SLC17A4: variants seen among roughly 807,000 people sequenced by gnomAD.
SLC17A4 encodes probable small intestine urate exporter.
A neutral mutation model predicts 52.5 loss-of-function variants in SLC17A4; 33 were observed. That is an observed-to-expected ratio of 0.63 (90% CI 0.48 to 0.84). The LOEUF is 0.84. Ranked by LOEUF, SLC17A4 falls within the 40% of genes least tolerant of loss-of-function variation. The pLI is 0.00. For missense variants in SLC17A4, 585 were observed against 597.1 expected (o/e 0.98, Z 0.21); for synonymous variants, 225 against 216.2 (o/e 1.04, Z -0.36).
intron 2 of SLC17A4, among the ~76,000 whole-genome samples, chr6:25,765,720 G>T (rs1007604369): frequency 6.6e-6 from 1 of 151,842 alleles, no homozygotes; most frequent in African/African-American, 2.4e-5. Context: ...AGAAAAGGAA[G>T]AAAACAAAGA....
At chr6:25,776,281 TTTTTCTTC>T (rs1172650189) in intron 8 of SLC17A4, among the ~76,000 whole-genome samples, 1 of 152,188 alleles carries the variant, frequency 6.6e-6, no homozygotes, top group Non-Finnish European at 1.5e-5. Context: ...TATTTTTCTT[TTTTTCTTC>T]TTTTCTTTTT....
Position 25,757,967 on chromosome 6 carries a change from A to G in SLC17A4, c.-37+3186A>G, listed in dbSNP as rs146178496. Among the ~76,000 whole-genome samples, 610 of 152,064 alleles carry G rather than the reference A, an allele frequency of 4.0e-3. 2 individuals are homozygous for G. The highest frequency in any genetic ancestry group is 5.3e-3 in the Non-Finnish European group (358 of 67,976). ...TGTCATTTAAGAGATTGTAAACTGGATTTTTCCTGAGTCATCCGTATCTGG... is the reference window on the plus strand; with the variant it reads ...TGTCATTTAAGAGATTGTAAACTGGGTTTTTCCTGAGTCATCCGTATCTGG... On this transcript the variant is annotated intron_variant, in intron 1 of 11. Transcript: ENST00000377905.
chr6:25,768,495 C>T (rs1475292404), intron 2 of SLC17A4: 32 of 614,444 alleles, frequency 5.2e-5, no homozygotes, highest in Non-Finnish European at 6.6e-5. Context: ...TAACCATAGC[C>T]TATCTTTCAA....
At chr6:25,759,035 A>G (rs936429194) in intron 1 of SLC17A4, among the ~76,000 whole-genome samples, 12 of 152,144 alleles carry the variant, frequency 7.9e-5, no homozygotes, top group African/African-American at 2.7e-4. Context: ...TTTAATTTTC[A>G]TCTTGATTTC....
In SLC17A4 at chr6:25,760,863, C is replaced by T. The variant is rs568585114; in HGVS notation, c.-36-1064C>T. On this transcript the variant is annotated intron_variant, in intron 1 of 11. Coordinates refer to ENST00000377905, the MANE Select transcript of SLC17A4 (RefSeq NM_005495.3). Reference sequence around the variant, plus strand: ...TTCTAGGGTCCATATTTTATTTCTTCAATTATTTAAAGCATACTTACATAA... The same window carrying T: ...TTCTAGGGTCCATATTTTATTTCTTTAATTATTTAAAGCATACTTACATAA... Among the ~76,000 whole-genome samples the T allele has an allele frequency of 9.2e-5, 14 of 152,192 alleles. No individual in the cohort carries two copies. The South Asian group carries it at 2.5e-3, about 27-fold the overall frequency.
chr6:25,767,593 A>G (rs1400875967), intron 2 of SLC17A4, among the ~76,000 whole-genome samples: 3 of 152,180 alleles, frequency 2.0e-5, no homozygotes, highest in Non-Finnish European at 4.4e-5. Context: ...GTATCCCCAT[A>G]AAAATATTTA....
intron 1 of SLC17A4, among the ~76,000 whole-genome samples, chr6:25,761,328 C>T (rs574442455): frequency 5.0e-4 from 76 of 152,150 alleles, no homozygotes; most frequent in Non-Finnish European, 3.4e-4. Flanking sequence ...CCCTTATAAT[C>T]GCCTCCCTGG....
chr6:25,773,818 T>A (rs1762677457), intron 8 of SLC17A4, 144 bp downstream of exon 8: 1 of 724,478 alleles, frequency 1.4e-6, no homozygotes, highest in African/African-American at 1.8e-5. Context: ...TGCAATCTAG[T>A]TAATTTGGAT....
chr6:25,773,449 T>C, intron 7 of SLC17A4, 56 bp downstream of exon 7: 2 of 1,612,634 alleles, frequency 1.2e-6, no homozygotes, highest in Non-Finnish European at 1.7e-6. Context: ...GTCTGAGAGA[T>C]GAAGAATGTG....
Position 25,770,373 on chromosome 6 carries a change from T to G in SLC17A4, c.532-11T>G, listed in dbSNP as rs766629413. On this transcript the variant is annotated splice_polypyrimidine_tract_variant and intron_variant, in intron 4 of 11. Coordinates refer to ENST00000377905, the MANE Select transcript of SLC17A4 (RefSeq NM_005495.3). ...ACCTCAGATCTCCAAGAATGGAATTTTTCCCCCCAGGTTATGGTATTAACT... is the reference window on the plus strand; with the variant it reads ...ACCTCAGATCTCCAAGAATGGAATTGTTCCCCCCAGGTTATGGTATTAACT... 1.9e-6 allele frequency: 3 copies of G among 1,614,070 alleles called. No individual in the cohort carries two copies. Among genetic ancestry groups the G allele is most frequent in the South Asian group, 1.1e-5 (1 of 91,080 alleles).
chr6:25,778,283 T>C (rs892834934), intron 11 of SLC17A4, among the ~76,000 whole-genome samples: 1 of 152,002 alleles, frequency 6.6e-6, no homozygotes, highest in African/African-American at 2.4e-5. Context: ...CACTGCCATA[T>C]ACCATTCACT....
At chr6:25,762,881 A>G (rs2151425032) in intron 2 of SLC17A4, among the ~76,000 whole-genome samples, 1 of 152,350 alleles carries the variant, frequency 6.6e-6, no homozygotes, top group Non-Finnish European at 1.5e-5. Flanking sequence ...CTACTAGACT[A>G]TACCATTGGC....
chr6:25,768,645 C>A (rs1762219735), intron 2 of SLC17A4, among the ~76,000 whole-genome samples: 1 of 152,140 alleles, frequency 6.6e-6, no homozygotes, highest in Non-Finnish European at 1.5e-5. Flanking sequence ...TGTCCATACC[C>A]AATCGGTCAC....
Position 25,769,003 on chromosome 6 carries a change from A to G in SLC17A4, c.110A>G (p.His37Arg), listed in dbSNP as rs771313163. The change falls in exon 3 of 12, where the codon CAT becomes CGT. Residue 37 changes from histidine (H) to arginine (R), a missense_variant. Transcript: ENST00000377905. ...CTCTCAGGTTTTTGTTCAGTCCGAC[A>G]TGGGCTGGCCCTCATCTTGCAGCTC... Reference protein sequence around the residue: ...CSRKGFCSVRHGLALILQLCN... With the variant: ...CSRKGFCSVRRGLALILQLCN... 3.7e-5 allele frequency: 59 copies of G among 1,613,884 alleles called. No homozygotes were observed. Among genetic ancestry groups the G allele is most frequent in the Non-Finnish European group, 2.8e-5 (33 of 1,179,976 alleles).
chr6:25,771,563 G>A (rs1762483115), intron 6 of SLC17A4, among the ~76,000 whole-genome samples: 1 of 140,842 alleles, frequency 7.1e-6, no homozygotes, highest in Non-Finnish European at 1.5e-5. Context: ...GACAGAGTGA[G>A]ACCCTGTCTC....
chr6:25,757,854 T>C (rs1307961554), intron 1 of SLC17A4, among the ~76,000 whole-genome samples: 1 of 152,238 alleles, frequency 6.6e-6, no homozygotes, highest in Non-Finnish European at 1.5e-5. Flanking sequence ...ATGTGTTCAC[T>C]AACTCAGCAG....
chr6:25,763,590 C>T (rs1396905945), intron 2 of SLC17A4, among the ~76,000 whole-genome samples: 2 of 152,168 alleles, frequency 1.3e-5, no homozygotes, highest in African/African-American at 4.8e-5. Flanking sequence ...CCACTCATAT[C>T]TTTGCTGTGT....
intron 11 of SLC17A4, 102 bp downstream of exon 11, chr6:25,778,118 A>G (rs929953826): frequency 1.3e-6 from 1 of 757,146 alleles, no homozygotes; most frequent in Admixed American, 2.7e-5. Context: ...CTTTTAAAGT[A>G]GTCAAAAATA....
At position 25,761,974 on chromosome 6, in the gene SLC17A4, A is replaced by C. The variant is rs763578169; in HGVS notation, c.12A>C (p.Gly4=). The change falls in exon 2 of 12, where the codon GGA becomes GGC. Residue 4 remains glycine, a synonymous_variant. Transcript: ENST00000377905. ...AAGAGAGAACCAAAATGTCTACCGG[A>C]CCAGATGTCAAGGCTACAGTGGGGG... The part of the protein sequence containing the change: MST[G]PDVKATVGDI... The C allele has an allele frequency of 6.2e-7, 1 of 1,613,806 alleles. No homozygotes were observed. The highest frequency in any genetic ancestry group is 8.5e-7 in the Non-Finnish European group (1 of 1,179,798).
Sources: gnomAD v4.1 joint callset for allele counts (sites outside exome capture counted in the v4.1 genomes callset) on GRCh38, gnomAD v4.1.1 for gene constraint, MANE v1.5 for transcripts, NCBI Gene and HGNC (gene_info 2026-07-23, HGNC 2026-07-21) for gene names.